ULK4: variants seen among roughly 807,000 people sequenced by gnomAD.
ULK4 encodes the protein inactive serine/threonine-protein kinase ULK4.
In ULK4, 133 loss-of-function variants were observed where a neutral mutation model predicts 160.6. The observed-to-expected ratio is 0.83, with a 90% CI of 0.72 to 0.96. The LOEUF is 0.96. Ranked by LOEUF, ULK4 falls within the 40% of genes least tolerant of loss-of-function variation. The pLI, the probability that ULK4 is intolerant of heterozygous loss-of-function variation, is 0.00. For missense variants in ULK4, 1,580 were observed against 1,499.5 expected (o/e 1.05, Z -0.89); for synonymous variants, 534 against 539.8 (o/e 0.99, Z 0.15).
intron 31 of ULK4, among the ~76,000 whole-genome samples, chr3:41,609,602 G>A (rs1024128503): frequency 2.1e-4 from 32 of 152,134 alleles, no homozygotes; most frequent in African/African-American, 7.0e-4. Context: ...TAGATTTATC[G>A]CCTGCATTCA....
chr3:41,473,341 A>G (rs1249722712), intron 32 of ULK4, among the ~76,000 whole-genome samples: 1 of 152,146 alleles, frequency 6.6e-6, no homozygotes, highest in Non-Finnish European at 1.5e-5. Flanking sequence ...AAAACGCTAA[A>G]GATTCCACCA....
At chr3:41,775,067 G>T (rs996395742) in intron 21 of ULK4, among the ~76,000 whole-genome samples, 1 of 139,490 alleles carries the variant, frequency 7.2e-6, no homozygotes, top group Admixed American at 7.1e-5. Flanking sequence ...TACCAGGGAC[G>T]TTGTGAGGTG....
chr3:41,940,954 C>T (rs1046753448), intron 2 of ULK4, among the ~76,000 whole-genome samples: 12 of 151,940 alleles, frequency 7.9e-5, no homozygotes, highest in African/African-American at 2.9e-4. Context: ...AATAAGACCA[C>T]AAAAATGTGT....
rs574058340 is a variant in ULK4, at chr3:41,772,625, G to A, written c.2193+17036C>T. 3.2e-3 allele frequency among the ~76,000 whole-genome samples: 482 copies of A among 152,192 alleles called. 1 individual carries two copies. The highest frequency in any genetic ancestry group is 0.011 in the African/African-American group (455 of 41,522). On this transcript the variant is annotated intron_variant, in intron 21 of 36. Coordinates refer to ENST00000301831, the MANE Select transcript of ULK4 (RefSeq NM_017886.4). Reference sequence around the variant, plus strand: ...TCCAGGACCAGATGGATTCACAGCCGAATTCTACCAGAGGTACAAGGAGGA... The same window carrying A: ...TCCAGGACCAGATGGATTCACAGCCAAATTCTACCAGAGGTACAAGGAGGA...
intron 35 of ULK4, among the ~76,000 whole-genome samples, chr3:41,349,189 T>A (rs1350638788): frequency 1.3e-5 from 2 of 152,176 alleles, no homozygotes; most frequent in African/African-American, 4.8e-5. Flanking sequence ...TATGCCCCCA[T>A]TCCCTATTTA....
chr3:41,419,587 A>G (rs893113549), intron 34 of ULK4, among the ~76,000 whole-genome samples: 2 of 152,226 alleles, frequency 1.3e-5, no homozygotes, highest in Middle Eastern at 3.4e-3. Context: ...TGGAGCTTGG[A>G]AAGTTTCTCT....
chr3:41,264,808 G>C (rs1177270036), intron 35 of ULK4, among the ~76,000 whole-genome samples: 1 of 152,150 alleles, frequency 6.6e-6, no homozygotes, highest in East Asian at 1.9e-4. Flanking sequence ...TTTACGTGAA[G>C]TCTTCAGCCT....
intron 22 of ULK4, among the ~76,000 whole-genome samples, chr3:41,748,640 C>T (rs958201791): frequency 2.0e-5 from 3 of 152,144 alleles, no homozygotes; most frequent in Admixed American, 2.0e-4. Context: ...ACAAGCATAG[C>T]TCACTCCTGC....
At chr3:41,721,394 C>T (rs1178540636) in intron 22 of ULK4, among the ~76,000 whole-genome samples, 2 of 113,964 alleles carry the variant, frequency 1.8e-5, no homozygotes, top group Non-Finnish European at 3.3e-5. Context: ...AACGGAATCT[C>T]ACTCTGTCAC....
At chr3:41,613,138 T>C (rs533113487) in intron 31 of ULK4, among the ~76,000 whole-genome samples, 1 of 152,190 alleles carries the variant, frequency 6.6e-6, no homozygotes, top group African/African-American at 2.4e-5. Context: ...GCCATATATA[T>C]GCTAGACACC....
intron 30 of ULK4, among the ~76,000 whole-genome samples, chr3:41,638,331 G>A (rs1000620656): frequency 3.3e-5 from 5 of 151,978 alleles, no homozygotes; most frequent in African/African-American, 9.7e-5. Flanking sequence ...GGAATTTCAA[G>A]ATATCTAATA....
At chr3:41,268,321 A>C (rs1328513392) in intron 35 of ULK4, among the ~76,000 whole-genome samples, 1 of 152,154 alleles carries the variant, frequency 6.6e-6, no homozygotes, top group Non-Finnish European at 1.5e-5. Context: ...ACTGGACTAC[A>C]AACCCTTCTT....
chr3:41,315,463 G>A lies in ULK4; in HGVS notation c.3679-65889C>T, dbSNP rs566205332. On this transcript the variant is annotated intron_variant, in intron 35 of 36. Coordinates refer to ENST00000301831, the MANE Select transcript of ULK4 (RefSeq NM_017886.4). ...CAAAGGCCCATTCCCAGAGAAACAA[G>A]CATAACTTGTAGAAATTATCTAAAA... 6.0e-4 allele frequency among the ~76,000 whole-genome samples: 91 copies of A among 152,274 alleles called. 1 individual carries two copies. The highest frequency in any genetic ancestry group is 1.8e-3 in the Admixed American group (27 of 15,298).
At chr3:41,373,928 G>A (rs1274242008) in intron 35 of ULK4, among the ~76,000 whole-genome samples, 2 of 152,136 alleles carry the variant, frequency 1.3e-5, no homozygotes, top group Non-Finnish European at 2.9e-5. Context: ...GAATCAAATA[G>A]ATGCAATAAA....
At chr3:41,939,227 C>G (rs144552027) in intron 2 of ULK4, among the ~76,000 whole-genome samples, 6,966 of 150,422 alleles carry the variant, frequency 0.046, 482 homozygotes, top group African/African-American at 0.16. Context: ...GTGGTGCAAT[C>G]TCGGCTCACT....
intron 25 of ULK4, 26 bp from the exon 26 acceptor site, chr3:41,705,331 A>G: frequency 6.4e-7 from 1 of 1,559,196 alleles, no homozygotes; most frequent in Non-Finnish European, 8.7e-7. Context: ...TTTTTAATAA[A>G]TAGAGTTTCA....
chr3:41,772,005 G>A (rs997455467), intron 21 of ULK4, among the ~76,000 whole-genome samples: 1 of 152,106 alleles, frequency 6.6e-6, no homozygotes, highest in African/African-American at 2.4e-5. Context: ...AAGCAAGCAT[G>A]CTCACTCTGG....
intron 35 of ULK4, among the ~76,000 whole-genome samples, chr3:41,265,788 G>A (rs1478477192): frequency 6.6e-6 from 1 of 152,176 alleles, no homozygotes; most frequent in Admixed American, 6.5e-5. Flanking sequence ...TGAGAGTCTG[G>A]CTCCAGGAGA....
chr3:41,379,452 T>A (rs1287395699), intron 35 of ULK4, among the ~76,000 whole-genome samples: 1 of 152,194 alleles, frequency 6.6e-6, no homozygotes, highest in Admixed American at 6.5e-5. Flanking sequence ...TCAGGAACAC[T>A]TTCAAAACAT....
Sources: gnomAD v4.1 joint callset for allele counts (sites outside exome capture counted in the v4.1 genomes callset) on GRCh38, gnomAD v4.1.1 for gene constraint, MANE v1.5 for transcripts, NCBI Gene and HGNC (gene_info 2026-07-23, HGNC 2026-07-21) for gene names.